The following ATP8A2 variants were observed in gnomAD, a reference collection of about 807,000 sequenced individuals.
ATP8A2 encodes phospholipid-transporting ATPase IB.
In ATP8A2, 100 loss-of-function variants were observed where a neutral mutation model predicts 165.6. The ratio of observed to expected loss-of-function variants is 0.60; its 90% CI spans 0.51 to 0.71. The LOEUF is 0.71. Ranked by LOEUF, ATP8A2 falls within the 30% of genes least tolerant of loss-of-function variation. The pLI, the probability that ATP8A2 is intolerant of heterozygous loss-of-function variation, is 0.00. For missense variants in ATP8A2, 1,227 were observed against 1,479.5 expected, an observed-to-expected ratio of 0.83 and a Z score of 2.80; for synonymous variants, 543 against 548.8, an observed-to-expected ratio of 0.99 and a Z score of 0.15.
chr13:26,019,935 G>C lies in ATP8A2; in HGVS notation c.3517G>C (p.Glu1173Gln). 6.2e-7 allele frequency: 1 copy of C among 1,614,172 alleles called. No individual in the cohort carries two copies. Residue 1173 changes from glutamate (E) to glutamine (Q), a missense_variant, in exon 37 of 37, where the codon GAA becomes CAA. Around this residue, in one of 5 missense-constraint regions of ATP8A2, gnomAD observed 15 missense variants for 37.1 expected, o/e 0.40. Coordinates refer to ENST00000381655, the MANE Select transcript of ATP8A2 (RefSeq NM_016529.6). Reference protein sequence around the residue: ...QEEHGAVSQEEVIRAYDTTKK... With the variant: ...QEEHGAVSQEQVIRAYDTTKK... ...AGAACACGGAGCTGTTAGTCAGGAA[G>C]AAGTCATCCGTGCTTATGACACCAC...
chr13:25,688,932 G>T (rs964920440), intron 24 of ATP8A2, among the ~76,000 whole-genome samples: 2 of 152,210 alleles, frequency 1.3e-5, no homozygotes, highest in Non-Finnish European at 2.9e-5. Context: ...CATGCATTTA[G>T]AATATTTTTA....
intron 1 of ATP8A2, among the ~76,000 whole-genome samples, chr13:25,441,110 T>TC (rs931049873): frequency 6.6e-6 from 1 of 152,170 alleles, no homozygotes; most frequent in Non-Finnish European, 1.5e-5. Context: ...TATTTTTCTC[T>TC]CCCCCAGTTT....
intron 27 of ATP8A2, among the ~76,000 whole-genome samples, chr13:25,808,785 T>C (rs934558116): frequency 3.9e-5 from 6 of 152,104 alleles, no homozygotes; most frequent in African/African-American, 1.4e-4. Flanking sequence ...ATATTTCTAC[T>C]TAAAATTTTT....
At chr13:25,886,935 A>G (rs899811691) in intron 33 of ATP8A2, among the ~76,000 whole-genome samples, 2 of 152,224 alleles carry the variant, frequency 1.3e-5, no homozygotes, top group African/African-American at 4.8e-5. Context: ...GCACATTGAC[A>G]ACAGCTGGTC....
intron 1 of ATP8A2, among the ~76,000 whole-genome samples, chr13:25,418,553 C>T (rs549059003): frequency 8.5e-5 from 13 of 152,080 alleles, no homozygotes; most frequent in South Asian, 6.2e-4. Flanking sequence ...ACAATTGATT[C>T]CAGGCAGAAT....
chr13:25,460,635 C>A (rs1367132370), intron 1 of ATP8A2, among the ~76,000 whole-genome samples: 3 of 152,134 alleles, frequency 2.0e-5, no homozygotes, highest in Non-Finnish European at 4.4e-5. Context: ...TTTTGAGGAA[C>A]AGAAGCCCAG....
At chr13:25,821,476 T>A (rs1017439434) in intron 27 of ATP8A2, among the ~76,000 whole-genome samples, 1 of 152,222 alleles carries the variant, frequency 6.6e-6, no homozygotes, top group African/African-American at 2.4e-5. Context: ...GGTAGCAGAT[T>A]CATATCCAGT....
chr13:25,591,231 C>G (rs1565959223), intron 24 of ATP8A2: 2 of 455,742 alleles, frequency 4.4e-6, no homozygotes, highest in Non-Finnish European at 8.8e-6. Context: ...TGTTGTGTAA[C>G]CATCACCACT....
intron 28 of ATP8A2, among the ~76,000 whole-genome samples, chr13:25,828,603 G>A (rs193164236): frequency 3.3e-5 from 5 of 152,142 alleles, no homozygotes; most frequent in East Asian, 1.9e-4. Flanking sequence ...TCTGGTGTCC[G>A]TTCTGTCCTT....
chr13:25,725,074 C>T (rs537236439), intron 25 of ATP8A2, among the ~76,000 whole-genome samples: 13 of 152,296 alleles, frequency 8.5e-5, no homozygotes, highest in South Asian at 8.3e-4. Context: ...TTTAAACAAG[C>T]GCTCTGAAGA....
At chr13:25,745,116 T>C (rs1206648553) in intron 25 of ATP8A2, among the ~76,000 whole-genome samples, 1 of 152,138 alleles carries the variant, frequency 6.6e-6, no homozygotes, top group Admixed American at 6.5e-5. Flanking sequence ...AATTTTTTTG[T>C]ATTTTTAGTA....
chr13:25,504,015 G>T (rs751602485), intron 2 of ATP8A2, among the ~76,000 whole-genome samples: 1 of 152,136 alleles, frequency 6.6e-6, no homozygotes, highest in Non-Finnish European at 1.5e-5. Flanking sequence ...TGAACTCCTC[G>T]AGCTGCAAGA....
intron 2 of ATP8A2, among the ~76,000 whole-genome samples, chr13:25,512,962 GA>G: frequency 7.8e-6 from 1 of 127,852 alleles, no homozygotes. Context: ...GTGGGGGGCT[GA>G]CCCCCCCACC....
At chr13:25,957,576 C>T (rs910823149) in intron 33 of ATP8A2, among the ~76,000 whole-genome samples, 1 of 152,122 alleles carries the variant, frequency 6.6e-6, no homozygotes, top group African/African-American at 2.4e-5. Flanking sequence ...TACCATTTGA[C>T]GCCAGTTAGA....
chr13:25,455,751 C>G lies in ATP8A2; in HGVS notation c.77-13226C>G, dbSNP rs892743476. ...GGTCAATTGCTGCCTCCTTGGCATCCCAGACCCTCTGACTTATAATTAGAG... is the reference window on the plus strand; with the variant it reads ...GGTCAATTGCTGCCTCCTTGGCATCGCAGACCCTCTGACTTATAATTAGAG... On this transcript the variant is annotated intron_variant, in intron 1 of 36. Transcript: ENST00000381655. 3.3e-5 allele frequency among the ~76,000 whole-genome samples: 5 copies of G among 152,278 alleles called. No individual in the cohort carries two copies. In the Middle Eastern group the frequency reaches 0.014, roughly 414 times the overall value.
In ATP8A2 at chr13:26,024,173, T is replaced by C. The variant is rs1490021441; in HGVS notation, c.*4188T>C. On this transcript the variant is annotated 3_prime_UTR_variant, in exon 37 of 37. Transcript: ENST00000381655. ...AGATTTAACCTCATTCTAGCCATTT[T>C]TCCATCCTGAAGGCCAAGAAGGACT... The C allele has an allele frequency of 2.0e-5, 3 of 152,228 alleles. No homozygotes were observed. Among genetic ancestry groups the C allele is most frequent in the African/African-American group, 7.2e-5 (3 of 41,460 alleles). 9.4% of individuals were successfully genotyped at this position (152,228 alleles called of 1,614,324 possible).
intron 34 of ATP8A2, among the ~76,000 whole-genome samples, chr13:25,965,679 T>G (rs1330615055): frequency 6.6e-6 from 1 of 152,204 alleles, no homozygotes; most frequent in Non-Finnish European, 1.5e-5. Flanking sequence ...TGAAATTTGT[T>G]AGTATTGCTT....
chr13:25,702,865 TCTC>T (rs1323604873), intron 25 of ATP8A2, among the ~76,000 whole-genome samples: 1 of 152,086 alleles, frequency 6.6e-6, no homozygotes, highest in African/African-American at 2.4e-5. Context: ...ACCTTTCTCT[TCTC>T]CTTAAGTTAT....
chr13:25,930,201 C>T (rs878908395), intron 33 of ATP8A2, among the ~76,000 whole-genome samples: 2 of 152,186 alleles, frequency 1.3e-5, no homozygotes, highest in Admixed American at 1.3e-4. Context: ...CTGCACTGCA[C>T]CTGGAATGAT....
Sources: allele counts gnomAD v4.1 joint callset (sites outside exome capture counted in the v4.1 genomes callset), GRCh38; gene constraint gnomAD v4.1.1; regional missense constraint gnomAD v4.1.1; transcripts MANE v1.5; gene names NCBI Gene and HGNC (gene_info 2026-07-23, HGNC 2026-07-21).